Variants in UVRAG observed in about 807,000 individuals in gnomAD.
UVRAG encodes UV radiation resistance associated.
In UVRAG, 19 loss-of-function variants were observed where a neutral mutation model predicts 78.0. The observed-to-expected ratio is 0.24, with a 90% CI of 0.17 to 0.36. UVRAG has a LOEUF of 0.36. Among genes scored for constraint, UVRAG ranks in the 10% least tolerant of loss-of-function variants. UVRAG has a pLI of 1.00. For missense variants in UVRAG, 740 were observed against 853.8 expected, an observed-to-expected ratio of 0.87 and a Z score of 1.66; for synonymous variants, 323 against 324.6, an observed-to-expected ratio of 1.00 and a Z score of 0.05.
At chr11:75,920,450 C>T (rs1230716820) in intron 6 of UVRAG, among the ~76,000 whole-genome samples, 1 of 152,100 alleles carries the variant, frequency 6.6e-6, no homozygotes, top group East Asian at 1.9e-4. Flanking sequence ...TGTATACATA[C>T]ACATAAAGAC....
At chr11:75,923,003 CATATAT>C (rs147448761) in intron 6 of UVRAG, among the ~76,000 whole-genome samples, 3 of 138,754 alleles carry the variant, frequency 2.2e-5, no homozygotes, top group Admixed American at 7.2e-5. Context: ...TATATTTTTT[CATATAT>C]ATATATATAT....
intron 1 of UVRAG, among the ~76,000 whole-genome samples, chr11:75,821,208 T>C (rs1474078376): frequency 6.6e-6 from 1 of 152,206 alleles, no homozygotes; most frequent in East Asian, 1.9e-4. Flanking sequence ...TTATTTCACT[T>C]TGCAATGTTT....
At chr11:75,910,688 T>C (rs570538333) in intron 5 of UVRAG, among the ~76,000 whole-genome samples, 31 of 152,222 alleles carry the variant, frequency 2.0e-4, no homozygotes, top group African/African-American at 6.5e-4. Flanking sequence ...GTAATTCATG[T>C]AGAGCCAGCT....
At chr11:75,945,215 G>A (rs903811198) in intron 6 of UVRAG, among the ~76,000 whole-genome samples, 1 of 152,068 alleles carries the variant, frequency 6.6e-6, no homozygotes, top group Non-Finnish European at 1.5e-5. Context: ...GTGCTTTGGG[G>A]GGTTAAGAGA....
At chr11:75,838,505 T>TAGA (rs1294111373) in intron 1 of UVRAG, among the ~76,000 whole-genome samples, 1 of 151,894 alleles carries the variant, frequency 6.6e-6, no homozygotes, top group Non-Finnish European at 1.5e-5. Flanking sequence ...ACCCAGCTAA[T>TAGA]TTCTAAGTTT....
chr11:76,113,500 T>G (rs1160506300), intron 13 of UVRAG, among the ~76,000 whole-genome samples: 2 of 152,088 alleles, frequency 1.3e-5, no homozygotes, highest in African/African-American at 4.8e-5. Flanking sequence ...AAAGGTGTTC[T>G]CAGAGTTTGG....
intron 1 of UVRAG, among the ~76,000 whole-genome samples, chr11:75,830,715 C>T (rs2135821048): frequency 6.6e-6 from 1 of 152,342 alleles, no homozygotes; most frequent in East Asian, 1.9e-4. Context: ...ATCTGTAGCT[C>T]TGTGCACATT....
intron 14 of UVRAG, among the ~76,000 whole-genome samples, chr11:76,124,066 G>A (rs1010612985): frequency 2.6e-5 from 4 of 152,164 alleles, no homozygotes; most frequent in African/African-American, 9.7e-5. Context: ...GCCCAGCTGA[G>A]TATCAGTTCT....
At chr11:75,846,541 C>A (rs748158868) in intron 1 of UVRAG, among the ~76,000 whole-genome samples, 1 of 151,642 alleles carries the variant, frequency 6.6e-6, no homozygotes, top group African/African-American at 2.4e-5. Flanking sequence ...CTGAGGTCTC[C>A]GATTCATTTT....
intron 13 of UVRAG, among the ~76,000 whole-genome samples, chr11:76,075,970 C>T (rs1565150140): frequency 1.3e-5 from 2 of 152,040 alleles, no homozygotes; most frequent in Non-Finnish European, 2.9e-5. Flanking sequence ...TATGTATATA[C>T]GACATGTTAT....
intron 7 of UVRAG, among the ~76,000 whole-genome samples, chr11:75,970,961 T>C (rs1949111337): frequency 6.6e-6 from 1 of 152,176 alleles, no homozygotes; most frequent in South Asian, 2.1e-4. Context: ...TATCCATCAT[T>C]ACAGCATCAA....
intron 2 of UVRAG, among the ~76,000 whole-genome samples, chr11:75,859,984 C>T (rs529327341): frequency 4.6e-5 from 7 of 152,304 alleles, no homozygotes; most frequent in Admixed American, 6.5e-5. Flanking sequence ...GTTTTGCTCT[C>T]GCTCAGGCTG....
intron 11 of UVRAG, 33 bp downstream of exon 11, chr11:76,008,900 A>G (rs770812534): frequency 1.0e-5 from 12 of 1,161,248 alleles, no homozygotes; most frequent in East Asian, 2.6e-5. Context: ...GATTTGTTAT[A>G]TATTAATATA....
At chr11:76,129,349 A>G (rs1591268169) in intron 14 of UVRAG, among the ~76,000 whole-genome samples, 1 of 152,288 alleles carries the variant, frequency 6.6e-6, no homozygotes, top group Admixed American at 6.5e-5. Context: ...GGTTTTCTTC[A>G]TTCCTCTCTG....
intron 14 of UVRAG, among the ~76,000 whole-genome samples, chr11:76,127,556 C>G (rs1952429860): frequency 6.6e-6 from 1 of 151,674 alleles, no homozygotes; most frequent in Non-Finnish European, 1.5e-5. Context: ...ATCGCTTGAA[C>G]CCAGGAGGTG....
intron 6 of UVRAG, among the ~76,000 whole-genome samples, chr11:75,951,277 C>T (rs1221691371): frequency 2.0e-5 from 3 of 150,474 alleles, no homozygotes; most frequent in African/African-American, 7.4e-5. Context: ...TTTTCTTTTC[C>T]TTATTAAAAA....
chr11:75,979,813 G>A (rs1265375742), intron 7 of UVRAG: 2 of 152,364 alleles, frequency 1.3e-5, no homozygotes, highest in African/African-American at 4.8e-5. Flanking sequence ...GCTGGGAAAG[G>A]GAGTTCCCCG....
intron 13 of UVRAG, among the ~76,000 whole-genome samples, chr11:76,106,194 A>G (rs1951965239): frequency 6.6e-6 from 1 of 152,164 alleles, no homozygotes; most frequent in Admixed American, 6.5e-5. Flanking sequence ...ACATATAGTA[A>G]CCTGGATGAA....
At chr11:75,989,509 T>C (rs1467792131) in intron 8 of UVRAG, among the ~76,000 whole-genome samples, 2 of 152,224 alleles carry the variant, frequency 1.3e-5, no homozygotes. Flanking sequence ...TGAAAACTGT[T>C]GTTACATATA....
Sources: allele counts gnomAD v4.1 joint callset (sites outside exome capture counted in the v4.1 genomes callset), GRCh38; gene constraint gnomAD v4.1.1; transcripts MANE v1.5; gene names NCBI Gene and HGNC (gene_info 2026-07-23, HGNC 2026-07-21).